ROBO2: variants seen among roughly 807,000 people sequenced by gnomAD.
ROBO2 encodes the protein roundabout homolog 2.
Under a neutral mutation model 160.8 loss-of-function variants are expected in ROBO2, and 53 were observed. The ratio of observed to expected loss-of-function variants is 0.33; its 90% confidence interval spans 0.26 to 0.41. The LOEUF (loss-of-function observed/expected upper bound fraction) is 0.41, where lower values mean the gene tolerates loss of function less well. Ranked by LOEUF, ROBO2 falls within the 10% of genes least tolerant of loss-of-function variation. The pLI is 1.00. For synonymous variants in ROBO2, 664 were observed against 611.7 expected (o/e 1.09, Z -1.26); for missense variants, 1,577 against 1,722.4 (o/e 0.92, Z 1.49).
chr3:76,257,169 A>T (rs1267914337), intron 2 of ROBO2, among the ~76,000 whole-genome samples: 2 of 152,168 alleles, frequency 1.3e-5, no homozygotes. Context: ...ATTACAACTC[A>T]ACATGAGACT....
At position 76,524,809 on chromosome 3, in the gene ROBO2, T is replaced by C. The variant is rs1471862411; in HGVS notation, c.110-573205T>C. Reference sequence around the variant, plus strand: ...CCAGCAGGGGGTTTTCTTAAAAACCTATGACCCTCTTATTCCTAAAAAAAA... The same window carrying C: ...CCAGCAGGGGGTTTTCTTAAAAACCCATGACCCTCTTATTCCTAAAAAAAA... On this transcript the variant is annotated intron_variant, in intron 2 of 26. Coordinates refer to the ROBO2 transcript ENST00000487694. Among the ~76,000 whole-genome samples, 4 of 96,272 alleles carry C rather than the reference T, an allele frequency of 4.2e-5. No homozygotes were observed. In the Admixed American group the frequency reaches 6.4e-4, roughly 15 times the overall value. The allele number at this position is 96,272 out of a possible 152,430, so 63.2% of individuals were successfully genotyped here.
At chr3:76,774,458 C>A (rs1011008942) in intron 2 of ROBO2, among the ~76,000 whole-genome samples, 1 of 150,922 alleles carries the variant, frequency 6.6e-6, no homozygotes, top group Non-Finnish European at 1.5e-5. Flanking sequence ...TAGTCTAATT[C>A]ATCGTATATC....
chr3:76,038,882 C>A (rs1485100700), intron 2 of ROBO2, among the ~76,000 whole-genome samples: 2 of 151,646 alleles, frequency 1.3e-5, no homozygotes. Context: ...GCAATAGGAA[C>A]AAAGTAGTGA....
At chr3:76,047,423 C>T (rs1439373022) in intron 2 of ROBO2, among the ~76,000 whole-genome samples, 1 of 152,152 alleles carries the variant, frequency 6.6e-6, no homozygotes. Context: ...TATGAAAAGA[C>T]CTAACCTGCA....
chr3:76,798,247 AGAAAGAAAGAAG>A (rs1257110737), intron 2 of ROBO2, among the ~76,000 whole-genome samples: 47 of 122,172 alleles, frequency 3.8e-4, no homozygotes, highest in Non-Finnish European at 5.7e-4. Flanking sequence ...GAAAAAAAGA[AGAAAGAAAGAAG>A]GAAAGAAAGA....
chr3:76,980,127 T>G (rs1296499734), intron 2 of ROBO2, among the ~76,000 whole-genome samples: 1 of 152,166 alleles, frequency 6.6e-6, no homozygotes, highest in East Asian at 1.9e-4. Flanking sequence ...CAGGAAACTC[T>G]GCAAATGGAG....
chr3:77,620,074 G>T (rs1439448210), intron 22 of ROBO2, among the ~76,000 whole-genome samples: 1 of 152,140 alleles, frequency 6.6e-6, no homozygotes, highest in Non-Finnish European at 1.5e-5. Context: ...ATCTCCACCT[G>T]CTGCAAATAC....
At chr3:77,331,406 G>A (rs968420028) in intron 2 of ROBO2, among the ~76,000 whole-genome samples, 3 of 152,086 alleles carry the variant, frequency 2.0e-5, no homozygotes, top group Non-Finnish European at 2.9e-5. Context: ...CACTTGCAGT[G>A]GGGTAGACTG....
At chr3:76,365,795 T>G (rs1202191976) in intron 2 of ROBO2, among the ~76,000 whole-genome samples, 1 of 151,794 alleles carries the variant, frequency 6.6e-6, no homozygotes, top group Non-Finnish European at 1.5e-5. Context: ...CATGAGAAAT[T>G]GGAATTTACT....
At chr3:76,603,355 T>C (rs1480697050) in intron 2 of ROBO2, among the ~76,000 whole-genome samples, 1 of 70,858 alleles carries the variant, frequency 1.4e-5, no homozygotes, top group Non-Finnish European at 2.8e-5. Context: ...AAAAAAAATA[T>C]ATATATATAT....
intron 2 of ROBO2, among the ~76,000 whole-genome samples, chr3:77,309,621 C>T (rs1308128451): frequency 6.6e-6 from 1 of 152,196 alleles, no homozygotes; most frequent in Non-Finnish European, 1.5e-5. Flanking sequence ...AAGAGCTTGG[C>T]TCTCAAATTC....
At chr3:77,049,061 G>T (rs762533492) in intron 1 of ROBO2, among the ~76,000 whole-genome samples, 2 of 152,116 alleles carry the variant, frequency 1.3e-5, no homozygotes, top group South Asian at 4.1e-4. Context: ...CGGCGCAGTG[G>T]CTCACCCCTG....
intron 2 of ROBO2, among the ~76,000 whole-genome samples, chr3:77,103,407 C>CTTTTTTTTTT (rs11409908): frequency 6.8e-6 from 1 of 146,650 alleles, no homozygotes; most frequent in Non-Finnish European, 1.5e-5. Flanking sequence ...AGAAACCAAT[C>CTTTTTTTTTT]TTTTTTTTTT....
intron 2 of ROBO2, among the ~76,000 whole-genome samples, chr3:76,534,380 T>C (rs2082383834): frequency 6.6e-6 from 1 of 152,058 alleles, no homozygotes; most frequent in Non-Finnish European, 1.5e-5. Flanking sequence ...GAAGGAATAA[T>C]GTTTTACGTA....
chr3:75,928,141 C>T (rs1428710050), intron 1 of ROBO2, among the ~76,000 whole-genome samples: 2 of 151,074 alleles, frequency 1.3e-5, no homozygotes, highest in Middle Eastern at 3.4e-3. Context: ...TGAGCCACCA[C>T]GCCCGGCTTA....
intron 2 of ROBO2, among the ~76,000 whole-genome samples, chr3:76,553,188 C>G (rs1397571946): frequency 6.6e-6 from 1 of 152,090 alleles, no homozygotes; most frequent in African/African-American, 2.4e-5. Context: ...TGGAAACAGT[C>G]TTTCAGGGAT....
chr3:77,047,904 G>A (rs570005871), intron 1 of ROBO2, among the ~76,000 whole-genome samples: 21 of 151,792 alleles, frequency 1.4e-4, no homozygotes, highest in African/African-American at 3.4e-4. Flanking sequence ...ATAATTAGCC[G>A]GGTGTGGTGG....
chr3:77,555,261 G>A (rs2093070453), intron 8 of ROBO2, among the ~76,000 whole-genome samples: 1 of 151,842 alleles, frequency 6.6e-6, no homozygotes, highest in Non-Finnish European at 1.5e-5. Flanking sequence ...AATTTGTGTG[G>A]CCTTCCTTAT....
At chr3:76,629,676 C>T (rs1018056020) in intron 2 of ROBO2, among the ~76,000 whole-genome samples, 1 of 152,156 alleles carries the variant, frequency 6.6e-6, no homozygotes, top group African/African-American at 2.4e-5. Context: ...TCCTCACAGA[C>T]ACGCCCAGAA....
Sources: allele counts gnomAD v4.1 joint callset (sites outside exome capture counted in the v4.1 genomes callset), GRCh38; gene constraint gnomAD v4.1.1; transcripts MANE v1.5; gene names NCBI Gene and HGNC (gene_info 2026-07-23, HGNC 2026-07-21).